Variants in DMXL1 observed in about 807,000 individuals in gnomAD.
DMXL1 encodes Dmx like 1.
In DMXL1, 99 loss-of-function variants were observed where a neutral mutation model predicts 319.2. That is an observed-to-expected ratio of 0.31 (90% confidence interval 0.26 to 0.37). DMXL1 has a LOEUF of 0.37. Ranked by LOEUF, DMXL1 falls within the 10% of genes least tolerant of loss-of-function variation. DMXL1 has a pLI of 1.00. For synonymous variants in DMXL1, 1,385 were observed against 1,235.2 expected (o/e 1.12, Z -2.54); for missense variants, 3,745 against 3,595.6 (o/e 1.04, Z -1.06).
rs1554127642 is a variant in DMXL1, at chr5:119,173,776, G to GTATGTATATATATATATATATATATA, written c.6682-1482_6682-1481insGTATATATATATATATATATATATAT. ...TGTGTATATATATATATGTGTGTGT[G>GTATGTATATATATATATATATATATA]TATATATATATATATATATATAATG... On this transcript the variant is annotated intron_variant, in intron 25 of 43. Coordinates refer to ENST00000539542, the MANE Select transcript of DMXL1 (RefSeq NM_001290321.3). Among the ~76,000 whole-genome samples the GTATGTATATATATATATATATATATA allele has an allele frequency of 3.9e-4, 26 of 67,170 alleles. 2 individuals are homozygous for GTATGTATATATATATATATATATATA. In the South Asian group the frequency reaches 0.013, roughly 33 times the overall value. 44.1% of individuals were successfully genotyped at this position (67,170 alleles called of 152,430 possible).
intron 6 of DMXL1, among the ~76,000 whole-genome samples, chr5:119,115,876 T>A (rs964547047): frequency 4.6e-5 from 7 of 152,178 alleles, no homozygotes; most frequent in African/African-American, 1.7e-4. Flanking sequence ...AATTTTATCT[T>A]TCAGTGTTTC....
At chr5:119,239,308 G>A (rs940070694) in intron 41 of DMXL1, among the ~76,000 whole-genome samples, 7 of 152,076 alleles carry the variant, frequency 4.6e-5, no homozygotes, top group Non-Finnish European at 7.4e-5. Context: ...TTTGATTTCT[G>A]TTATATAACT....
At chr5:119,123,385 G>A (rs1295218344) in intron 9 of DMXL1, among the ~76,000 whole-genome samples, 1 of 34,656 alleles carries the variant, frequency 2.9e-5, no homozygotes, top group African/African-American at 1.6e-4. Context: ...GAGAGGGAGA[G>A]GAGGGAGAGG....
rs761537709 is a variant in DMXL1 at position 119,171,149 on chromosome 5, A to G, written c.6358A>G (p.Arg2120Gly). ...KQLRENFQEK[R>G]QWLLKYQSLL... Reference sequence around the variant, plus strand: ...ACTGAGAGAAAATTTTCAGGAAAAAAGACAGTGGCTCTTGAAGTATCAGTC... The same window carrying G: ...ACTGAGAGAAAATTTTCAGGAAAAAGGACAGTGGCTCTTGAAGTATCAGTC... The change falls in exon 24 of 44, where the codon AGA becomes GGA. Residue 2120 changes from arginine to glycine, a missense_variant. Physicochemically the swap from Arg to Gly is moderately radical, Grantham distance 125 (BLOSUM62 -2). Coordinates refer to ENST00000539542, the MANE Select transcript of DMXL1 (RefSeq NM_001290321.3). 6.2e-7 allele frequency: 1 copy of G among 1,614,008 alleles called. No individual in the cohort carries two copies. The highest frequency in any genetic ancestry group is 8.5e-7 in the Non-Finnish European group (1 of 1,179,898).
At chr5:119,237,566 A>T (rs1787983291) in intron 40 of DMXL1, 152 bp downstream of exon 40, 1 of 542,406 alleles carries the variant, frequency 1.8e-6, no homozygotes. Flanking sequence ...TCCTTGTGTT[A>T]TGTGAAAATT....
chr5:119,172,333 G>A (rs1431161429), intron 25 of DMXL1, among the ~76,000 whole-genome samples: 1 of 152,192 alleles, frequency 6.6e-6, no homozygotes, highest in East Asian at 1.9e-4. Context: ...ATATGTAAAC[G>A]AAGTTTTCCC....
intron 3 of DMXL1, chr5:119,102,255 T>C (rs1757431212): frequency 3.5e-6 from 1 of 287,624 alleles, no homozygotes; most frequent in Non-Finnish European, 6.4e-6. Context: ...TTTATAATAT[T>C]TCAAGAGTCA....
At chr5:119,230,823 A>C (rs1313618392) in intron 38 of DMXL1, among the ~76,000 whole-genome samples, 1 of 152,014 alleles carries the variant, frequency 6.6e-6, no homozygotes, top group African/African-American at 2.4e-5. Flanking sequence ...TGGAGGTTAC[A>C]GTGAGCCGAG....
At chr5:119,142,654 A>G (rs974126738) in intron 13 of DMXL1, among the ~76,000 whole-genome samples, 1 of 152,074 alleles carries the variant, frequency 6.6e-6, no homozygotes, top group African/African-American at 2.4e-5. Context: ...TAAAAACAAA[A>G]CTGCCTTTTG....
At chr5:119,196,712 C>A (rs946950468) in intron 31 of DMXL1, among the ~76,000 whole-genome samples, 1 of 152,054 alleles carries the variant, frequency 6.6e-6, no homozygotes, top group Non-Finnish European at 1.5e-5. Context: ...TCTATTTATA[C>A]TCTAGCCAAG....
At chr5:119,112,684 CG>C (rs1561609979) in intron 5 of DMXL1, among the ~76,000 whole-genome samples, 1 of 152,090 alleles carries the variant, frequency 6.6e-6, no homozygotes, top group Non-Finnish European at 1.5e-5. Flanking sequence ...AGGCTGGGCT[CG>C]GTGGCTCACG....
intron 34 of DMXL1, among the ~76,000 whole-genome samples, chr5:119,209,301 T>C (rs538723143): frequency 6.6e-6 from 1 of 152,230 alleles, no homozygotes; most frequent in Non-Finnish European, 1.5e-5. Flanking sequence ...AAGGTGGTTG[T>C]ACCATTTATG....
intron 5 of DMXL1, among the ~76,000 whole-genome samples, chr5:119,112,046 C>T (rs1333837827): frequency 2.0e-5 from 3 of 152,146 alleles, no homozygotes; most frequent in African/African-American, 2.4e-5. Context: ...CTGCAAGCTC[C>T]GCCTCCCGGG....
intron 1 of DMXL1, among the ~76,000 whole-genome samples, chr5:119,084,566 G>A (rs1752915615): frequency 6.6e-6 from 1 of 151,944 alleles, no homozygotes; most frequent in South Asian, 2.1e-4. Context: ...TCACAGAAAT[G>A]GAAAAAACGA....
At chr5:119,222,325 G>C (rs1392188991) in intron 37 of DMXL1, among the ~76,000 whole-genome samples, 3 of 152,106 alleles carry the variant, frequency 2.0e-5, no homozygotes, top group Non-Finnish European at 4.4e-5. Context: ...TTAGTTCAGT[G>C]ATTTCAAGTA....
At chr5:119,232,696 C>A (rs931818764) in intron 38 of DMXL1, among the ~76,000 whole-genome samples, 2 of 151,746 alleles carry the variant, frequency 1.3e-5, no homozygotes, top group Non-Finnish European at 2.9e-5. Flanking sequence ...AAAACAAGTC[C>A]GGTGCAGTGG....
At chr5:119,118,288 G>A (rs1048586726) in intron 7 of DMXL1, among the ~76,000 whole-genome samples, 1 of 152,138 alleles carries the variant, frequency 6.6e-6, no homozygotes, top group African/African-American at 2.4e-5. Context: ...TTGTGACAGT[G>A]TGCAGGTGCC....
intron 2 of DMXL1, among the ~76,000 whole-genome samples, chr5:119,099,121 C>T (rs1756645723): frequency 6.6e-6 from 1 of 151,570 alleles, no homozygotes; most frequent in Non-Finnish European, 1.5e-5. Context: ...CCTCTTATGA[C>T]TTCTCGCTGT....
At chr5:119,090,375 C>G (rs1754488229) in intron 1 of DMXL1, among the ~76,000 whole-genome samples, 1 of 151,746 alleles carries the variant, frequency 6.6e-6, no homozygotes, top group Non-Finnish European at 1.5e-5. Flanking sequence ...TGGCCTTTGT[C>G]TACCTGGATA....
Sources: allele counts gnomAD v4.1 joint callset (sites outside exome capture counted in the v4.1 genomes callset), GRCh38; gene constraint gnomAD v4.1.1; transcripts MANE v1.5; gene names NCBI Gene and HGNC (gene_info 2026-07-23, HGNC 2026-07-21).